The following SEMA6A variants were observed in gnomAD, a reference collection of about 807,000 sequenced individuals.
SEMA6A encodes the protein semaphorin 6A, also known as semaphorin-6A.
Under a neutral mutation model 96.8 loss-of-function variants are expected in SEMA6A, and 25 were observed. That is an observed-to-expected ratio of 0.26 (90% CI 0.19 to 0.36). The LOEUF (loss-of-function observed/expected upper bound fraction) is 0.36, where lower values mean the gene tolerates loss of function less well. Ranked by LOEUF, SEMA6A falls within the 10% of genes least tolerant of loss-of-function variation. The pLI is 1.00. For synonymous variants in SEMA6A, 612 were observed against 518.0 expected (o/e 1.18, Z -2.46); for missense variants, 1,363 against 1,323.1 (o/e 1.03, Z -0.47).
intron 1 of SEMA6A, among the ~76,000 whole-genome samples, chr5:116,540,208 T>C (rs1759897236): frequency 6.6e-6 from 1 of 152,216 alleles, no homozygotes; most frequent in Non-Finnish European, 1.5e-5. Context: ...TATAAAACAG[T>C]ATATTTTAAA....
intron 1 of SEMA6A, among the ~76,000 whole-genome samples, chr5:116,517,913 A>G (rs1260665456): frequency 6.6e-6 from 1 of 152,204 alleles, no homozygotes; most frequent in African/African-American, 2.4e-5. Context: ...AGGAGATTCC[A>G]TGATGTCAGA....
intron 1 of SEMA6A, among the ~76,000 whole-genome samples, chr5:116,528,514 T>G (rs1454963146): frequency 5.9e-5 from 9 of 152,138 alleles, no homozygotes; most frequent in African/African-American, 2.2e-4. Context: ...GACTAGGCGC[T>G]CAAATATCCA....
chr5:116,545,548 G>A (rs1760151870), intron 1 of SEMA6A, among the ~76,000 whole-genome samples: 1 of 152,056 alleles, frequency 6.6e-6, no homozygotes, highest in Admixed American at 6.5e-5. Flanking sequence ...CCAGCCTGGG[G>A]GACAAGAGCG....
Position 116,473,112 on chromosome 5 carries a change from GAGA to G in SEMA6A, c.1709-22_1709-20del. 1 of 1,588,466 alleles carries G rather than the reference GAGA, an allele frequency of 6.3e-7. No homozygotes were observed. ...AAGGAATCTGAAAGACAAAAGGGAG[GAGA>G]AGGTTACTTAATGTTTTACGCTCTG... On this transcript the variant is annotated intron_variant, in intron 16 of 18. Coordinates refer to ENST00000343348, the MANE Select transcript of SEMA6A (RefSeq NM_020796.5).
intron 2 of SEMA6A, among the ~76,000 whole-genome samples, chr5:116,504,429 T>A (rs1045414512): frequency 6.6e-6 from 1 of 152,152 alleles, no homozygotes; most frequent in Non-Finnish European, 1.5e-5. Context: ...CAAAAAAAAT[T>A]TTTCTCTGAA....
At chr5:116,529,657 C>T (rs1013894028) in intron 1 of SEMA6A, among the ~76,000 whole-genome samples, 3 of 152,134 alleles carry the variant, frequency 2.0e-5, no homozygotes, top group Non-Finnish European at 4.4e-5. Flanking sequence ...CACAAATCCA[C>T]ACTGTTTCAA....
chr5:116,572,976 G>C (rs1411252483), intron 1 of SEMA6A, among the ~76,000 whole-genome samples: 2 of 152,206 alleles, frequency 1.3e-5, no homozygotes, highest in Non-Finnish European at 2.9e-5. Context: ...GCGGAATTCT[G>C]TTTCCTTTCC....
intron 1 of SEMA6A, among the ~76,000 whole-genome samples, chr5:116,505,866 G>T (rs1758122221): frequency 1.1e-5 from 1 of 92,964 alleles, no homozygotes; most frequent in South Asian, 4.8e-4. Flanking sequence ...ATGTGGGACT[G>T]CTGGATACAG....
intron 1 of SEMA6A, among the ~76,000 whole-genome samples, chr5:116,558,108 T>C (rs1464169878): frequency 1.3e-5 from 2 of 152,322 alleles, no homozygotes; most frequent in East Asian, 1.9e-4. Flanking sequence ...TTTCTAGATA[T>C]TCAGTTTGTT....
intron 7 of SEMA6A, among the ~76,000 whole-genome samples, chr5:116,490,590 G>A (rs1370409407): frequency 6.6e-6 from 1 of 152,158 alleles, no homozygotes; most frequent in African/African-American, 2.4e-5. Context: ...TGACGGAACT[G>A]CTTCTCAGTA....
At chr5:116,470,238 T>C (rs897716662) in intron 17 of SEMA6A, among the ~76,000 whole-genome samples, 3 of 152,198 alleles carry the variant, frequency 2.0e-5, no homozygotes, top group African/African-American at 7.2e-5. Flanking sequence ...TTCCATCTTC[T>C]AGTCTGATTT....
At chr5:116,570,896 AAC>A (rs1338611897) in intron 1 of SEMA6A, among the ~76,000 whole-genome samples, 1 of 152,238 alleles carries the variant, frequency 6.6e-6, no homozygotes, top group African/African-American at 2.4e-5. Flanking sequence ...TGGTGAAGAT[AAC>A]AGTCTTCCTA....
intron 1 of SEMA6A, among the ~76,000 whole-genome samples, chr5:116,539,620 C>G: frequency 7.6e-6 from 1 of 131,802 alleles, no homozygotes; most frequent in African/African-American, 3.4e-5. Flanking sequence ...TGTGTGTGTA[C>G]TTTCTTTAAT....
intron 1 of SEMA6A, among the ~76,000 whole-genome samples, chr5:116,533,231 G>C (rs1010374221): frequency 2.7e-5 from 4 of 150,252 alleles, no homozygotes; most frequent in Non-Finnish European, 4.4e-5. Flanking sequence ...TCTACTCTAT[G>C]TCATAGATTT....
intron 1 of SEMA6A, among the ~76,000 whole-genome samples, chr5:116,524,154 C>A (rs1029065793): frequency 6.6e-6 from 1 of 152,110 alleles, no homozygotes; most frequent in Non-Finnish European, 1.5e-5. Context: ...GGTATGTTTT[C>A]TTTTATGACA....
At chr5:116,453,710 G>A (rs919360702) in intron 18 of SEMA6A, among the ~76,000 whole-genome samples, 2 of 152,068 alleles carry the variant, frequency 1.3e-5, no homozygotes, top group Non-Finnish European at 2.9e-5. Flanking sequence ...ATCCATTATC[G>A]CAAAACTCTT....
chr5:116,519,854 C>A (rs1758850148), intron 1 of SEMA6A, among the ~76,000 whole-genome samples: 1 of 152,152 alleles, frequency 6.6e-6, no homozygotes, highest in Non-Finnish European at 1.5e-5. Flanking sequence ...TCTAACCTAA[C>A]CTCAGCTCCT....
Position 116,502,247 on chromosome 5 carries a change from T to C in SEMA6A, c.181A>G (p.Ile61Val), listed in dbSNP as rs927960628. ...TAGAGGGTTCCGTTCATGATCATAA[T>C]CATCTGGATGTCCAGCCTGTGCCTC... Reference protein sequence around the residue: ...TQRHRLDIQMIMIMNGTLYIA... With the variant: ...TQRHRLDIQMVMIMNGTLYIA... The change falls in exon 3 of 19, where the codon ATT becomes GTT. Residue 61 changes from isoleucine to valine, a missense_variant. This residue lies in a region of SEMA6A where 480 missense variants were observed against 559.5 expected (regional missense o/e 0.86). Coordinates refer to ENST00000343348, the MANE Select transcript of SEMA6A (RefSeq NM_020796.5). 2 of 1,613,862 alleles carry C rather than the reference T, an allele frequency of 1.2e-6. No homozygotes were observed. The highest frequency in any genetic ancestry group is 1.7e-6 in the Non-Finnish European group (2 of 1,179,872).
chr5:116,448,000 G>A (rs1022018492), intron 18 of SEMA6A, among the ~76,000 whole-genome samples, 189 bp from the exon 19 acceptor site: 1 of 152,044 alleles, frequency 6.6e-6, no homozygotes, highest in Non-Finnish European at 1.5e-5. Flanking sequence ...TGTGCAGTAT[G>A]TAAATGGACT....
Sources: allele counts gnomAD v4.1 joint callset (sites outside exome capture counted in the v4.1 genomes callset), GRCh38; gene constraint gnomAD v4.1.1; regional missense constraint gnomAD v4.1.1; transcripts MANE v1.5; gene names NCBI Gene and HGNC (gene_info 2026-07-23, HGNC 2026-07-21).